The following SIPA1L3 variants were observed in gnomAD, a reference collection of about 807,000 sequenced individuals.
SIPA1L3 encodes the protein signal induced proliferation associated 1 like 3.
SIPA1L3 carries 59 observed loss-of-function variants against 150.1 expected under a neutral mutation model. The ratio of observed to expected loss-of-function variants is 0.39; its 90% confidence interval spans 0.32 to 0.49. SIPA1L3 has a LOEUF of 0.49. Among genes scored for constraint, SIPA1L3 ranks in the 20% least tolerant of loss-of-function variants. The probability of loss-of-function intolerance (pLI) is 0.86; values close to 1 mark genes in which losing one functional copy is unlikely to be tolerated. For missense variants in SIPA1L3, 2,211 were observed against 2,489.5 expected, an observed-to-expected ratio of 0.89 and a Z score of 2.38; for synonymous variants, 1,070 against 1,077.6, an observed-to-expected ratio of 0.99 and a Z score of 0.14.
intron 2 of SIPA1L3, among the ~76,000 whole-genome samples, chr19:38,050,198 G>A (rs1969157079): frequency 6.6e-6 from 1 of 152,244 alleles, no homozygotes; most frequent in Non-Finnish European, 1.5e-5. Flanking sequence ...GCTCACGCCT[G>A]TAATCCCAAC....
chr19:38,039,363 A>C (rs1968859243), intron 2 of SIPA1L3, among the ~76,000 whole-genome samples: 1 of 135,956 alleles, frequency 7.4e-6, no homozygotes, highest in Non-Finnish European at 1.5e-5. Context: ...AGCTTTCCAA[A>C]GAGATGAAAA....
intron 8 of SIPA1L3, among the ~76,000 whole-genome samples, chr19:38,111,024 G>GT (rs528494849): frequency 0.021 from 2,937 of 138,250 alleles, 72 homozygotes; most frequent in African/African-American, 0.065. Flanking sequence ...GTTGTTTTGG[G>GT]TTTTTTTTTT....
At chr19:38,060,019 C>T (rs1156932001) in intron 2 of SIPA1L3, among the ~76,000 whole-genome samples, 6 of 152,178 alleles carry the variant, frequency 3.9e-5, no homozygotes, top group Admixed American at 3.9e-4. Context: ...AGGTAACCCG[C>T]CCACCTCAGC....
chr19:37,984,171 C>T (rs1002026636), intron 1 of SIPA1L3, among the ~76,000 whole-genome samples: 17 of 152,210 alleles, frequency 1.1e-4, no homozygotes, highest in South Asian at 6.2e-4. Context: ...GGCAGCGAGG[C>T]GGTTAAGGGC....
At chr19:38,111,925 G>A (rs534385389) in intron 8 of SIPA1L3, among the ~76,000 whole-genome samples, 5 of 150,154 alleles carry the variant, frequency 3.3e-5, no homozygotes, top group South Asian at 2.1e-4. Flanking sequence ...GCACGCATCC[G>A]TGCACACATG....
chr19:37,949,969 C>T lies in SIPA1L3; in HGVS notation c.-379+42611C>T, dbSNP rs1018497583. 5.3e-4 allele frequency among the ~76,000 whole-genome samples: 78 copies of T among 147,230 alleles called. 2 individuals are homozygous for T. The highest frequency in any genetic ancestry group is 1.5e-3 in the African/African-American group (60 of 39,426). On this transcript the variant is annotated intron_variant, in intron 1 of 21. Transcript: ENST00000222345. Reference sequence around the variant, plus strand: ...GTGCATGCCTGTAGTCCCAGCTACTCGGGAGGCTGAGGCAGGAGAATCGCT... The same window carrying T: ...GTGCATGCCTGTAGTCCCAGCTACTTGGGAGGCTGAGGCAGGAGAATCGCT...
rs570919801 is a variant in SIPA1L3, at chr19:38,066,290, T to C, written c.-310-14966T>C. On this transcript the variant is annotated intron_variant, in intron 2 of 21. Coordinates refer to ENST00000222345, the MANE Select transcript of SIPA1L3 (RefSeq NM_015073.3). The stretch of plus-strand genomic sequence containing the variant: ...GCCTCAGCCTCCCAAAGGGTTGAAA[T>C]TGATTACAGGCCTGAGCCACTGGCC... Among the ~76,000 whole-genome samples the C allele has an allele frequency of 4.6e-5, 7 of 152,236 alleles. No homozygotes were observed. The South Asian group carries it at 1.5e-3, about 32-fold the overall frequency.
chr19:38,059,272 A>G (rs1366941692), intron 2 of SIPA1L3, among the ~76,000 whole-genome samples: 1 of 144,792 alleles, frequency 6.9e-6, no homozygotes, highest in East Asian at 2.0e-4. Flanking sequence ...AAGGGCTTGT[A>G]TTACAGGTGT....
chr19:38,192,945 C>T (rs1208349227), intron 17 of SIPA1L3, among the ~76,000 whole-genome samples: 1 of 152,164 alleles, frequency 6.6e-6, no homozygotes, highest in Non-Finnish European at 1.5e-5. Context: ...CTCACACCAC[C>T]TTCCCCAACC....
At chr19:38,077,862 G>C (rs1197550611) in intron 2 of SIPA1L3, among the ~76,000 whole-genome samples, 1 of 151,384 alleles carries the variant, frequency 6.6e-6, no homozygotes, top group Non-Finnish European at 1.5e-5. Context: ...GTAGAGACGG[G>C]GTTTCACCAT....
chr19:37,948,549 C>T (rs528293737), intron 1 of SIPA1L3, among the ~76,000 whole-genome samples: 1 of 151,942 alleles, frequency 6.6e-6, no homozygotes, highest in Admixed American at 6.6e-5. Flanking sequence ...CCTCTGTTTC[C>T]AAAGGTAGGA....
intron 1 of SIPA1L3, among the ~76,000 whole-genome samples, chr19:37,934,933 C>A (rs2046587367): frequency 1.3e-5 from 2 of 152,120 alleles, no homozygotes; most frequent in East Asian, 3.8e-4. Context: ...ATTGATTTGG[C>A]CAAGACATCA....
intron 2 of SIPA1L3, among the ~76,000 whole-genome samples, chr19:38,061,798 G>A (rs7249265): frequency 0.37 from 55,665 of 149,848 alleles, 11,558 homozygotes; most frequent in East Asian, 0.65. Context: ...GGCTGTTTGG[G>A]TAATGGATTA....
chr19:37,973,553 A>AGGG (rs1568484946), intron 1 of SIPA1L3, among the ~76,000 whole-genome samples: 5 of 80,378 alleles, frequency 6.2e-5, no homozygotes, highest in African/African-American at 2.1e-4. Context: ...AAAAAAAAAA[A>AGGG]AGCGGGAGGG....
In SIPA1L3 at chr19:38,182,664, C is replaced by A. The variant is rs146672679; in HGVS notation, c.4354C>A (p.Arg1452Ser). ...GTCCTTCTTCTCCAAGCAGCCTGTACGCAATAAGCACCCAACAGGGTGGAA... is the reference window on the plus strand; with the variant it reads ...GTCCTTCTTCTCCAAGCAGCCTGTAAGCAATAAGCACCCAACAGGGTGGAA... ...PKSFFSKQPV[R>S]NKHPTGWKRT... The change falls in exon 16 of 22, where the codon CGC (arginine) becomes AGC (serine). Residue 1452 changes from arginine (R) to serine (S), a missense_variant. Around this residue, in one of 5 missense-constraint regions of SIPA1L3, gnomAD observed 806 missense variants for 870.1 expected, o/e 0.93. Transcript: ENST00000222345. The A allele has an allele frequency of 4.6e-5, 74 of 1,614,084 alleles. No individual in the cohort carries two copies. The highest frequency in any genetic ancestry group is 5.9e-5 in the Non-Finnish European group (70 of 1,180,022).
At chr19:38,191,817 C>CA (rs200185508) in intron 16 of SIPA1L3, among the ~76,000 whole-genome samples, 13 of 151,826 alleles carry the variant, frequency 8.6e-5, no homozygotes, top group East Asian at 3.9e-4. Flanking sequence ...TCTCAAACAA[C>CA]AAAAAAAAGC....
At chr19:38,117,170 C>G (rs572024811) in intron 8 of SIPA1L3, among the ~76,000 whole-genome samples, 1 of 152,330 alleles carries the variant, frequency 6.6e-6, no homozygotes, top group Non-Finnish European at 1.5e-5. Context: ...TGCTCACTGC[C>G]AGTTTCTGAC....
At chr19:37,941,258 C>T (rs2046654929) in intron 1 of SIPA1L3, among the ~76,000 whole-genome samples, 1 of 152,110 alleles carries the variant, frequency 6.6e-6, no homozygotes, top group South Asian at 2.1e-4. Flanking sequence ...GCCATTATTT[C>T]ATTTGGGGTG....
intron 18 of SIPA1L3, among the ~76,000 whole-genome samples, chr19:38,196,952 C>T (rs1055675038): frequency 3.9e-5 from 6 of 152,158 alleles, no homozygotes; most frequent in African/African-American, 1.2e-4. Context: ...AAAAATAGTG[C>T]CCACATCCCT....
Sources: gnomAD v4.1 joint callset for allele counts (sites outside exome capture counted in the v4.1 genomes callset) on GRCh38, gnomAD v4.1.1 for gene constraint, gnomAD v4.1.1 regional missense constraint, MANE v1.5 for transcripts, NCBI Gene and HGNC (gene_info 2026-07-23, HGNC 2026-07-21) for gene names.